ZNF365: variants seen among roughly 807,000 people sequenced by gnomAD.
The protein encoded by ZNF365 is zinc finger protein 365, also known as protein ZNF365.
A neutral mutation model predicts 35.0 loss-of-function variants in ZNF365; 22 were observed. That is an observed-to-expected ratio of 0.63 (90% CI 0.45 to 0.90). ZNF365 has a LOEUF of 0.90. Among genes scored for constraint, ZNF365 ranks in the 40% least tolerant of loss-of-function variants. The pLI, the probability that ZNF365 is intolerant of heterozygous loss-of-function variation, is 0.00. For synonymous variants in ZNF365, 188 were observed against 196.2 expected (o/e 0.96, Z 0.35); for missense variants, 448 against 500.3 (o/e 0.90, Z 1.00).
At chr10:62,391,123 G>T (rs1433240655) in intron 3 of ZNF365, among the ~76,000 whole-genome samples, 3 of 152,116 alleles carry the variant, frequency 2.0e-5, no homozygotes, top group Non-Finnish European at 4.4e-5. Flanking sequence ...TTACCTTATA[G>T]ACTTTTAAAT....
intron 3 of ZNF365, among the ~76,000 whole-genome samples, chr10:62,429,201 C>T (rs1414151770): frequency 6.6e-6 from 1 of 152,190 alleles, no homozygotes; most frequent in Non-Finnish European, 1.5e-5. Context: ...GAATGGTTGT[C>T]ATTGTTGCAT....
chr10:62,385,443 A>G (rs1839510146), intron 2 of ZNF365, among the ~76,000 whole-genome samples: 1 of 152,226 alleles, frequency 6.6e-6, no homozygotes. Context: ...TGATTGAAAA[A>G]TACAGCCACA....
chr10:62,450,540 A>T (rs930845393), intron 3 of ZNF365, among the ~76,000 whole-genome samples: 4 of 152,210 alleles, frequency 2.6e-5, no homozygotes, highest in Admixed American at 2.6e-4. Context: ...CAAGTTATGC[A>T]CTGTGAGGTA....
downstream of ZNF365, among the ~76,000 whole-genome samples, chr10:62,405,574 T>C (rs1839893210): frequency 6.6e-6 from 1 of 152,222 alleles, no homozygotes. Context: ...TAAAATTCTG[T>C]TTAACATTTA....
Position 62,429,705 on chromosome 10 carries a change from A to G in ZNF365, c.925-30036A>G, listed in dbSNP as rs371099335. On this transcript the variant is annotated intron_variant, in intron 3 of 4. Coordinates refer to the ZNF365 transcript ENST00000395255. ...GCAATTTCAGTAATTGAAACGTATTATTTAATAAGGGGAGAAATTAGCTTT... is the reference window on the plus strand; with the variant it reads ...GCAATTTCAGTAATTGAAACGTATTGTTTAATAAGGGGAGAAATTAGCTTT... Among the ~76,000 whole-genome samples the G allele has an allele frequency of 4.3e-4, 66 of 152,268 alleles. No individual in the cohort carries two copies. The South Asian group carries it at 0.013, about 30-fold the overall frequency.
At chr10:62,392,127 T>C (rs1365821044) in intron 3 of ZNF365, among the ~76,000 whole-genome samples, 1 of 152,212 alleles carries the variant, frequency 6.6e-6, no homozygotes, top group African/African-American at 2.4e-5. Context: ...TTTGAGTTCC[T>C]TGTAGATTCT....
intron 4 of ZNF365, among the ~76,000 whole-genome samples, chr10:62,476,235 G>A (rs929386080): frequency 1.3e-5 from 2 of 152,088 alleles, no homozygotes; most frequent in African/African-American, 4.8e-5. Flanking sequence ...GTATCTCTAG[G>A]GTTATATAGA....
chr10:62,379,591 A>G (rs2132409104), intron 2 of ZNF365, among the ~76,000 whole-genome samples: 1 of 152,214 alleles, frequency 6.6e-6, no homozygotes, highest in Admixed American at 6.5e-5. Flanking sequence ...TTGGTCTAAG[A>G]ATGGGACTGT....
intron 3 of ZNF365, among the ~76,000 whole-genome samples, chr10:62,423,459 T>G (rs1005323097): frequency 6.6e-6 from 1 of 152,310 alleles, no homozygotes; most frequent in East Asian, 1.9e-4. Context: ...ATATTAGTTC[T>G]GATAACCAGG....
At chr10:62,398,896 G>A in intron 4 of ZNF365, 119 bp downstream of exon 4, 2 of 1,044,294 alleles carry the variant, frequency 1.9e-6, no homozygotes, top group Non-Finnish European at 2.7e-6. Context: ...AATGGCTTTG[G>A]GAGGCTTAAG....
intron 1 of ZNF365, 148 bp from the exon 2 acceptor site, chr10:62,376,033 G>A: frequency 1.3e-6 from 1 of 783,384 alleles, no homozygotes; most frequent in Non-Finnish European, 2.0e-6. Flanking sequence ...TTTGGCCCAT[G>A]GGCTGTAGGT....
chr10:62,421,591 CT>C (rs1840169535), intron 3 of ZNF365, among the ~76,000 whole-genome samples: 1 of 152,196 alleles, frequency 6.6e-6, no homozygotes. Flanking sequence ...TAATTATGTA[CT>C]GACAGCCTCC....
intron 3 of ZNF365, among the ~76,000 whole-genome samples, chr10:62,424,072 A>C (rs575418323): frequency 6.6e-6 from 1 of 152,316 alleles, no homozygotes; most frequent in South Asian, 2.1e-4. Flanking sequence ...GTTATTAATG[A>C]ACTTTTATAA....
At chr10:62,376,035 G>T in intron 1 of ZNF365, 146 bp from the exon 2 acceptor site, 1 of 801,592 alleles carries the variant, frequency 1.2e-6, no homozygotes, top group East Asian at 2.5e-5. Context: ...TGGCCCATGG[G>T]CTGTAGGTTT....
chr10:62,403,278 G>A (rs116809414), downstream of ZNF365, among the ~76,000 whole-genome samples: 1,109 of 152,294 alleles, frequency 7.3e-3, 13 homozygotes, highest in African/African-American at 0.025. Flanking sequence ...GGACTTCATC[G>A]TCATTGTCTT....
In ZNF365 at chr10:62,412,993, G is replaced by C. The variant is rs146919035; in HGVS notation, c.924+24417G>C. 4.7e-4 allele frequency among the ~76,000 whole-genome samples: 72 copies of C among 152,316 alleles called. 1 individual carries two copies. The highest frequency in any genetic ancestry group is 1.6e-3 in the African/African-American group (65 of 41,554). ...GGACTTTGACAGAGCAAGTTGGAAAGAGAGAAGGTTGGCTAATAGGCAACT... is the reference window on the plus strand; with the variant it reads ...GGACTTTGACAGAGCAAGTTGGAAACAGAGAAGGTTGGCTAATAGGCAACT... On this transcript the variant is annotated intron_variant, in intron 3 of 4. Coordinates refer to the ZNF365 transcript ENST00000395255.
intron 3 of ZNF365, among the ~76,000 whole-genome samples, chr10:62,458,658 AC>A (rs905516266): frequency 8.5e-5 from 13 of 152,178 alleles, no homozygotes; most frequent in Admixed American, 2.6e-4. Context: ...TCTTAAAACC[AC>A]TTGGGGAAAA....
intron 3 of ZNF365, among the ~76,000 whole-genome samples, chr10:62,416,987 A>G (rs1840085833): frequency 6.6e-6 from 1 of 152,070 alleles, no homozygotes; most frequent in Non-Finnish European, 1.5e-5. Context: ...TAACCCAGAG[A>G]ATTTCAGATT....
At chr10:62,403,657 C>G (rs1485529476), downstream of ZNF365, among the ~76,000 whole-genome samples, 2 of 150,648 alleles carry the variant, frequency 1.3e-5, no homozygotes, top group African/African-American at 4.9e-5. Flanking sequence ...GACTCCATCT[C>G]AAAAAAAACA....
Sources: allele counts gnomAD v4.1 joint callset (sites outside exome capture counted in the v4.1 genomes callset), GRCh38; gene constraint gnomAD v4.1.1; transcripts MANE v1.5; gene names NCBI Gene and HGNC (gene_info 2026-07-23, HGNC 2026-07-21).